The following DIAPH3 variants were observed in gnomAD, a reference collection of about 807,000 sequenced individuals.
DIAPH3 encodes the protein protein diaphanous homolog 3.
A neutral mutation model predicts 144.3 loss-of-function variants in DIAPH3; 117 were observed. The ratio of observed to expected loss-of-function variants is 0.81; its 90% CI spans 0.70 to 0.95. The LOEUF is 0.95. Among genes scored for constraint, DIAPH3 ranks in the 40% least tolerant of loss-of-function variants. The probability of loss-of-function intolerance (pLI) is 0.00; values close to 1 mark genes in which losing one functional copy is unlikely to be tolerated. For missense variants in DIAPH3, 1,421 were observed against 1,412.7 expected (o/e 1.01, Z -0.09); for synonymous variants, 519 against 488.9 (o/e 1.06, Z -0.81).
intron 1 of DIAPH3, among the ~76,000 whole-genome samples, chr13:60,146,997 T>C (rs1016215592): frequency 1.3e-5 from 2 of 152,204 alleles, no homozygotes; most frequent in African/African-American, 2.4e-5. Context: ...GGTAGCTCCA[T>C]AGGCTATAAA....
At chr13:60,009,231 T>C (rs1166811807) in intron 8 of DIAPH3, among the ~76,000 whole-genome samples, 1 of 152,182 alleles carries the variant, frequency 6.6e-6, no homozygotes, top group Non-Finnish European at 1.5e-5. Flanking sequence ...ATACTTCCTC[T>C]TCTTTTAAGT....
chr13:60,063,298 T>C (rs1370489905), intron 4 of DIAPH3, among the ~76,000 whole-genome samples: 2 of 152,218 alleles, frequency 1.3e-5, no homozygotes, highest in Non-Finnish European at 2.9e-5. Context: ...ATCTTCAGGC[T>C]CCACCTCTAA....
chr13:60,153,955 G>A (rs1287113846), intron 1 of DIAPH3, among the ~76,000 whole-genome samples: 1 of 151,936 alleles, frequency 6.6e-6, no homozygotes, highest in Non-Finnish European at 1.5e-5. Flanking sequence ...TAGACATAAA[G>A]AACAGGCCCC....
chr13:59,805,931 C>A (rs930771888), intron 25 of DIAPH3, among the ~76,000 whole-genome samples: 1 of 151,850 alleles, frequency 6.6e-6, no homozygotes, highest in South Asian at 2.1e-4. Context: ...TTGCTGAGGG[C>A]AAGTAATGAT....
At chr13:59,953,094 C>A (rs2049185569) in intron 17 of DIAPH3, among the ~76,000 whole-genome samples, 1 of 151,968 alleles carries the variant, frequency 6.6e-6, no homozygotes, top group Non-Finnish European at 1.5e-5. Flanking sequence ...GAAAACATGG[C>A]AGGATTAATT....
chr13:59,950,595 G>A (rs2049044385), intron 17 of DIAPH3, among the ~76,000 whole-genome samples: 1 of 152,112 alleles, frequency 6.6e-6, no homozygotes, highest in Admixed American at 6.6e-5. Context: ...ATGCCAATCT[G>A]AGAAGTCATA....
In DIAPH3 at chr13:59,833,252, T is replaced by C; in HGVS notation, c.2882A>G (p.Lys961Arg). The C allele has an allele frequency of 1.2e-6, 2 of 1,608,490 alleles. No individual in the cohort carries two copies. Among genetic ancestry groups the C allele is most frequent in the Non-Finnish European group, 1.7e-6 (2 of 1,176,674 alleles). ...CTTCGAAAGTGTCTCATATTGTTCT[T>C]TTGCACTGATAACAAATCTGTATAC... Reference protein sequence around the residue: ...TKMSRFVISAKEQYETLSKLH... With the variant: ...TKMSRFVISAREQYETLSKLH... The change falls in exon 24 of 28, where the codon AAA becomes AGA. Residue 961 changes from lysine (K) to arginine (R), a missense_variant. Transcript: ENST00000400324.
intron 15 of DIAPH3, among the ~76,000 whole-genome samples, 182 bp from the exon 16 acceptor site, chr13:59,971,342 T>C (rs912274708): frequency 6.6e-6 from 1 of 152,200 alleles, no homozygotes; most frequent in Non-Finnish European, 1.5e-5. Context: ...AATATAATTA[T>C]AGCTTTTTTT....
At chr13:60,072,308 T>C (rs2057240353) in intron 4 of DIAPH3, among the ~76,000 whole-genome samples, 1 of 152,188 alleles carries the variant, frequency 6.6e-6, no homozygotes, top group Non-Finnish European at 1.5e-5. Flanking sequence ...CTGGTCGTTG[T>C]CCTTTCATGA....
intron 27 of DIAPH3, among the ~76,000 whole-genome samples, chr13:59,769,299 G>A (rs2038005344): frequency 6.6e-6 from 1 of 152,064 alleles, no homozygotes; most frequent in Non-Finnish European, 1.5e-5. Context: ...AAAAAGAAAT[G>A]AGAAAACCAA....
intron 27 of DIAPH3, among the ~76,000 whole-genome samples, chr13:59,723,674 A>G (rs2035459193): frequency 1.3e-5 from 2 of 151,376 alleles, no homozygotes; most frequent in Admixed American, 1.3e-4. Flanking sequence ...GCAGTGGCGC[A>G]ATCTCGGCTC....
intron 3 of DIAPH3, among the ~76,000 whole-genome samples, chr13:60,100,685 A>G (rs1052519563): frequency 1.3e-5 from 2 of 152,156 alleles, no homozygotes; most frequent in Non-Finnish European, 2.9e-5. Context: ...ATTTCAAAAT[A>G]AAGAGTTATT....
intron 27 of DIAPH3, among the ~76,000 whole-genome samples, chr13:59,714,293 G>A (rs1480230104): frequency 2.0e-5 from 3 of 148,974 alleles, no homozygotes; most frequent in African/African-American, 4.9e-5. Context: ...CCGGGAGGCG[G>A]AGCTTGCAGT....
chr13:59,915,006 A>G (rs1335257272), intron 19 of DIAPH3, among the ~76,000 whole-genome samples: 1 of 152,190 alleles, frequency 6.6e-6, no homozygotes, highest in Non-Finnish European at 1.5e-5. Context: ...TCTCTTTTCT[A>G]TTATATAACA....
chr13:59,875,170 T>C (rs2044537404), intron 21 of DIAPH3, among the ~76,000 whole-genome samples: 1 of 152,272 alleles, frequency 6.6e-6, no homozygotes, highest in East Asian at 1.9e-4. Context: ...CATCTGCCGA[T>C]TTAATTTCTA....
intron 13 of DIAPH3, among the ~76,000 whole-genome samples, chr13:59,982,724 C>T (rs938296482): frequency 2.0e-5 from 3 of 151,582 alleles, no homozygotes; most frequent in Non-Finnish European, 4.4e-5. Context: ...ACTCTGTTAC[C>T]CTAAAATCTC....
chr13:59,692,684 C>G (rs1188882478), intron 27 of DIAPH3, among the ~76,000 whole-genome samples: 1 of 151,932 alleles, frequency 6.6e-6, no homozygotes, highest in Non-Finnish European at 1.5e-5. Context: ...AGAAATCGAC[C>G]CACCACCACC....
chr13:60,024,854 A>G (rs2054272571), intron 5 of DIAPH3, among the ~76,000 whole-genome samples: 1 of 152,220 alleles, frequency 6.6e-6, no homozygotes, highest in Non-Finnish European at 1.5e-5. Context: ...ATGGATGGGA[A>G]TCTAGGTACT....
intron 27 of DIAPH3, among the ~76,000 whole-genome samples, chr13:59,711,512 C>T (rs1030181436): frequency 6.6e-5 from 10 of 152,140 alleles, no homozygotes; most frequent in African/African-American, 2.4e-4. Flanking sequence ...ACCTCTCTTA[C>T]TACCACTATC....
Sources: gnomAD v4.1 joint callset for allele counts (sites outside exome capture counted in the v4.1 genomes callset) on GRCh38, gnomAD v4.1.1 for gene constraint, MANE v1.5 for transcripts, NCBI Gene and HGNC (gene_info 2026-07-23, HGNC 2026-07-21) for gene names.